Variants in DLGAP2 observed in about 807,000 individuals in gnomAD.
The protein encoded by DLGAP2 is disks large-associated protein 2.
A neutral mutation model predicts 100.3 loss-of-function variants in DLGAP2; 26 were observed. The observed-to-expected ratio is 0.26, with a 90% CI of 0.19 to 0.36. The LOEUF (loss-of-function observed/expected upper bound fraction) is 0.36, where lower values mean the gene tolerates loss of function less well. Ranked by LOEUF, DLGAP2 falls within the 10% of genes least tolerant of loss-of-function variation. The pLI, the probability that DLGAP2 is intolerant of heterozygous loss-of-function variation, is 1.00. For synonymous variants in DLGAP2, 886 were observed against 630.1 expected (o/e 1.41, Z -6.08); for missense variants, 1,858 against 1,453.2 (o/e 1.28, Z -4.53).
intron 3 of DLGAP2, among the ~76,000 whole-genome samples, chr8:1,276,845 T>C (rs1407397336): frequency 1.3e-5 from 2 of 152,238 alleles, no homozygotes; most frequent in Non-Finnish European, 2.9e-5. Context: ...CGTTATCATT[T>C]TCTCACTAAA....
At chr8:915,971 C>T (rs1798584371) in intron 2 of DLGAP2, among the ~76,000 whole-genome samples, 1 of 151,782 alleles carries the variant, frequency 6.6e-6, no homozygotes, top group South Asian at 2.1e-4. Context: ...GTTCACCCGT[C>T]CGTCCATCTG....
chr8:1,515,671 ATGT>A (rs1261307164), intron 4 of DLGAP2, among the ~76,000 whole-genome samples: 3 of 146,490 alleles, frequency 2.0e-5, no homozygotes, highest in African/African-American at 7.7e-5. Context: ...ACACATACAC[ATGT>A]TGACACACAC....
intron 1 of DLGAP2, among the ~76,000 whole-genome samples, chr8:751,724 T>C (rs940840226): frequency 6.6e-6 from 1 of 152,162 alleles, no homozygotes; most frequent in African/African-American, 2.4e-5. Context: ...TGACACTTCA[T>C]AGTAAGTCCT....
chr8:943,341 T>G (rs1304868836), intron 2 of DLGAP2, among the ~76,000 whole-genome samples: 1 of 152,232 alleles, frequency 6.6e-6, no homozygotes, highest in Non-Finnish European at 1.5e-5. Flanking sequence ...TTTTTTAATG[T>G]GAAGTCCTTG....
intron 2 of DLGAP2, among the ~76,000 whole-genome samples, chr8:1,180,257 C>T (rs1435750803): frequency 6.6e-6 from 1 of 152,220 alleles, no homozygotes; most frequent in African/African-American, 2.4e-5. Context: ...CACATATGTC[C>T]ATGTAACCCA....
intron 4 of DLGAP2, among the ~76,000 whole-genome samples, chr8:1,545,474 G>T (rs1801503342): frequency 6.6e-6 from 1 of 152,160 alleles, no homozygotes; most frequent in African/African-American, 2.4e-5. Flanking sequence ...TTCTCTCAAT[G>T]ACAAAAATGG....
At chr8:889,088 C>T (rs13260847) in intron 1 of DLGAP2, among the ~76,000 whole-genome samples, 41,099 of 151,918 alleles carry the variant, frequency 0.27, 5,764 homozygotes, top group Non-Finnish European at 0.3. Context: ...TCACAAGGTG[C>T]TCAGTAGGGG....
chr8:1,522,136 C>T (rs190222330), intron 4 of DLGAP2, among the ~76,000 whole-genome samples: 3 of 152,156 alleles, frequency 2.0e-5, no homozygotes, highest in African/African-American at 7.2e-5. Context: ...TCGGGTGGCA[C>T]GTGGTGTGGA....
chr8:1,582,448 G>A (rs975930133), intron 6 of DLGAP2, among the ~76,000 whole-genome samples: 1 of 151,184 alleles, frequency 6.6e-6, no homozygotes, highest in South Asian at 2.1e-4. Flanking sequence ...AGGAAAAGAC[G>A]TTAGCCCAGA....
rs60142904 is a variant in DLGAP2, at chr8:1,267,637, G to C, written c.106+8754G>C. ...ATAAGATAAGATAAATATTAAATAG[G>C]TCTACAAAAAGGCCTCCAGGGTCAG... is the stretch of plus-strand genomic sequence containing the variant. On this transcript the variant is annotated intron_variant, in intron 3 of 14. Coordinates refer to ENST00000637795, the MANE Select transcript of DLGAP2 (RefSeq NM_001346810.2). 5.4e-5 allele frequency among the ~76,000 whole-genome samples: 5 copies of C among 91,968 alleles called. No homozygotes were observed. The South Asian group carries it at 1.6e-3, about 30-fold the overall frequency. 60.3% of individuals were successfully genotyped at this position (91,968 alleles called of 152,430 possible). A position where few individuals can be genotyped will look rare whatever the true frequency, so the allele number is the denominator to read the frequency against.
intron 1 of DLGAP2, among the ~76,000 whole-genome samples, chr8:787,442 A>G (rs1036203515): frequency 7.2e-5 from 11 of 152,320 alleles, no homozygotes; most frequent in African/African-American, 2.6e-4. Flanking sequence ...CGCTTCTCCA[A>G]AGAGAGCGCC....
chr8:941,158 C>T (rs1214700308), intron 2 of DLGAP2, among the ~76,000 whole-genome samples: 5 of 152,128 alleles, frequency 3.3e-5, no homozygotes, highest in Admixed American at 2.0e-4. Flanking sequence ...GCTGTCCCTG[C>T]GTCTGAGTCC....
intron 2 of DLGAP2, among the ~76,000 whole-genome samples, chr8:962,583 C>A (rs1030327083): frequency 6.6e-6 from 1 of 152,120 alleles, no homozygotes; most frequent in Non-Finnish European, 1.5e-5. Flanking sequence ...TTTGAGGTCA[C>A]CTGCTCCAGC....
At chr8:1,543,161 A>AT (rs1190183520) in intron 4 of DLGAP2, among the ~76,000 whole-genome samples, 1 of 152,124 alleles carries the variant, frequency 6.6e-6, no homozygotes, top group Admixed American at 6.5e-5. Flanking sequence ...TGGCCTTTGC[A>AT]TTTTTTTGAT....
chr8:1,039,062 T>C (rs555105292), intron 2 of DLGAP2, among the ~76,000 whole-genome samples: 1 of 152,324 alleles, frequency 6.6e-6, no homozygotes, highest in African/African-American at 2.4e-5. Flanking sequence ...CCCACTTTCC[T>C]CCTTTATAAA....
intron 6 of DLGAP2, among the ~76,000 whole-genome samples, chr8:1,601,356 G>A (rs771115352): frequency 6.6e-6 from 1 of 152,206 alleles, no homozygotes; most frequent in Non-Finnish European, 1.5e-5. Context: ...AGGGTCAGGG[G>A]CCCACTTGAG....
At chr8:1,157,509 G>A (rs1796813981) in intron 2 of DLGAP2, among the ~76,000 whole-genome samples, 1 of 152,126 alleles carries the variant, frequency 6.6e-6, no homozygotes, top group African/African-American at 2.4e-5. Flanking sequence ...ACCCATCTTA[G>A]ATTTAGACTA....
At chr8:1,501,523 C>A in intron 4 of DLGAP2, 92 bp downstream of exon 4, 1 of 1,220,004 alleles carries the variant, frequency 8.2e-7, no homozygotes, top group Non-Finnish European at 1.1e-6. Flanking sequence ...GTCCCACAAA[C>A]ACACGTTAGC....
chr8:951,669 T>C (rs989060766), intron 2 of DLGAP2, among the ~76,000 whole-genome samples: 1 of 152,222 alleles, frequency 6.6e-6, no homozygotes, highest in African/African-American at 2.4e-5. Context: ...GTGTACTGCG[T>C]GGCATGCTGT....
Sources: allele counts gnomAD v4.1 joint callset (sites outside exome capture counted in the v4.1 genomes callset), GRCh38; gene constraint gnomAD v4.1.1; transcripts MANE v1.5; gene names NCBI Gene and HGNC (gene_info 2026-07-23, HGNC 2026-07-21).